SDCCAG8: variants seen among roughly 807,000 people sequenced by gnomAD.
SDCCAG8 encodes the protein serologically defined colon cancer antigen 8.
In SDCCAG8, 74 loss-of-function variants were observed where a neutral mutation model predicts 101.8. The ratio of observed to expected loss-of-function variants is 0.73; its 90% CI spans 0.60 to 0.88. The LOEUF (loss-of-function observed/expected upper bound fraction) is 0.88. SDCCAG8 is among the 40% of genes least tolerant of loss of function. The pLI is 0.00. For missense variants in SDCCAG8, 787 were observed against 822.6 expected, an observed-to-expected ratio of 0.96 and a Z score of 0.53; for synonymous variants, 281 against 292.9, an observed-to-expected ratio of 0.96 and a Z score of 0.41.
At chr1:243,443,103 C>T (rs1222560850) in intron 16 of SDCCAG8, among the ~76,000 whole-genome samples, 1 of 152,114 alleles carries the variant, frequency 6.6e-6, no homozygotes, top group African/African-American at 2.4e-5. Flanking sequence ...ATAGTTCCCT[C>T]ATTATCTTTG....
intron 1 of SDCCAG8, chr1:243,268,083 T>C (rs1443625877): frequency 1.4e-6 from 1 of 739,356 alleles, no homozygotes; most frequent in Non-Finnish European, 2.5e-6. Context: ...GTTTGCTTCA[T>C]GGTTGTATAG....
At chr1:243,360,641 G>A (rs1011491177) in intron 12 of SDCCAG8, among the ~76,000 whole-genome samples, 1 of 152,126 alleles carries the variant, frequency 6.6e-6, no homozygotes, top group East Asian at 2.0e-4. Flanking sequence ...GGCTAAAATG[G>A]TGAAACCCTG....
chr1:243,418,003 A>T lies in SDCCAG8; in HGVS notation c.1780A>T (p.Thr594Ser). Reference sequence around the variant, plus strand: ...GTATTTGTTGCTGACCTCCCAGAATACATTTTTGACAAAGTTAAAGGAAGA... The same window carrying T: ...GTATTTGTTGCTGACCTCCCAGAATTCATTTTTGACAAAGTTAAAGGAAGA... Reference protein sequence around the residue: ...EQYLLLTSQNTFLTKLKEECC... With the variant: ...EQYLLLTSQNSFLTKLKEECC... The change falls in exon 15 of 18, where the codon ACA becomes TCA. Residue 594 changes from threonine to serine, a missense_variant. Transcript: ENST00000366541. The T allele has an allele frequency of 6.2e-7, 1 of 1,613,016 alleles. No individual in the cohort carries two copies. The highest frequency in any genetic ancestry group is 1.1e-5 in the South Asian group (1 of 91,070).
intron 16 of SDCCAG8, among the ~76,000 whole-genome samples, chr1:243,456,951 A>T (rs1023810482): frequency 1.3e-5 from 2 of 152,188 alleles, no homozygotes; most frequent in African/African-American, 2.4e-5. Context: ...ATCTGAGGAA[A>T]AAGCAACCAA....
chr1:243,408,683 C>T (rs1020938540), intron 13 of SDCCAG8, among the ~76,000 whole-genome samples: 4 of 152,102 alleles, frequency 2.6e-5, no homozygotes, highest in African/African-American at 9.7e-5. Context: ...GTCAGATAGC[C>T]CTGGATTTCC....
At chr1:243,480,055 TC>T (rs1033863937) in intron 16 of SDCCAG8, among the ~76,000 whole-genome samples, 5 of 151,484 alleles carry the variant, frequency 3.3e-5, no homozygotes, top group African/African-American at 1.2e-4. Flanking sequence ...GCTTGTGATG[TC>T]CCCCATTTCC....
intron 2 of SDCCAG8, 84 bp from the exon 3 acceptor site, chr1:243,270,894 T>C: frequency 1.0e-6 from 1 of 975,478 alleles, no homozygotes; most frequent in South Asian, 1.3e-5. Flanking sequence ...TATCAGCAAT[T>C]TTTATTAGTT....
intron 13 of SDCCAG8, among the ~76,000 whole-genome samples, chr1:243,397,294 T>G (rs958149322): frequency 1.3e-5 from 2 of 152,250 alleles, no homozygotes; most frequent in African/African-American, 4.8e-5. Flanking sequence ...GTTTGGAAGT[T>G]GCGATTGAAA....
At chr1:243,393,689 A>G (rs2078863574) in intron 13 of SDCCAG8, among the ~76,000 whole-genome samples, 2 of 152,184 alleles carry the variant, frequency 1.3e-5, no homozygotes, top group Admixed American at 6.5e-5. Flanking sequence ...AGTGTGGCAC[A>G]TGGAATGATC....
chr1:243,350,429 G>T (rs924974604), intron 12 of SDCCAG8, among the ~76,000 whole-genome samples: 2 of 152,036 alleles, frequency 1.3e-5, no homozygotes, highest in African/African-American at 4.8e-5. Context: ...TGTTGCCCAG[G>T]CTGGTCTTGA....
In SDCCAG8 at chr1:243,476,253, A is replaced by G. The variant is rs548522461; in HGVS notation, c.1986-12761A>G. On this transcript the variant is annotated intron_variant, in intron 16 of 17. Transcript: ENST00000366541. The stretch of plus-strand genomic sequence containing the variant: ...CAGCGGGGAGGCTGCCTTGGTTTGG[A>G]CAGAAGAGGAGCTAAATAAAAAGCT... 6.8e-5 allele frequency: 67 copies of G among 985,430 alleles called. No individual in the cohort carries two copies. In the Admixed American group the frequency reaches 1.8e-3, roughly 27 times the overall value. 61.0% of individuals were successfully genotyped at this position (985,430 alleles called of 1,614,324 possible).
intron 8 of SDCCAG8, among the ~76,000 whole-genome samples, chr1:243,309,410 A>G (rs2072489664): frequency 6.6e-6 from 1 of 152,232 alleles, no homozygotes; most frequent in Non-Finnish European, 1.5e-5. Flanking sequence ...CTCAGTAAAT[A>G]TTAAAACCAT....
intron 6 of SDCCAG8, among the ~76,000 whole-genome samples, chr1:243,300,897 A>C (rs556742004): frequency 1.3e-5 from 2 of 152,312 alleles, no homozygotes; most frequent in African/African-American, 4.8e-5. Flanking sequence ...AATGTACCAG[A>C]ATTTTTTTTG....
intron 16 of SDCCAG8, among the ~76,000 whole-genome samples, chr1:243,431,685 A>G (rs1425808534): frequency 1.3e-5 from 2 of 152,028 alleles, no homozygotes; most frequent in South Asian, 2.1e-4. Context: ...TAAAGTAAGT[A>G]TCAATTCACC....
At chr1:243,447,031 C>T (rs1441063788) in intron 16 of SDCCAG8, among the ~76,000 whole-genome samples, 1 of 152,116 alleles carries the variant, frequency 6.6e-6, no homozygotes, top group Non-Finnish European at 1.5e-5. Flanking sequence ...GCGGGCAGAT[C>T]ACCTGAGTTC....
intron 1 of SDCCAG8, among the ~76,000 whole-genome samples, chr1:243,262,317 G>A (rs1558198303): frequency 6.7e-6 from 1 of 148,950 alleles, no homozygotes; most frequent in Non-Finnish European, 1.5e-5. Context: ...TGTTGCCCAG[G>A]CTGGTCTCGA....
At chr1:243,376,896 T>C (rs1290148526) in intron 12 of SDCCAG8, among the ~76,000 whole-genome samples, 25 of 152,166 alleles carry the variant, frequency 1.6e-4, no homozygotes, top group Admixed American at 1.6e-3. Flanking sequence ...CACCCTATTA[T>C]CTATAAGAAA....
chr1:243,448,865 T>G (rs2083138176), intron 16 of SDCCAG8, among the ~76,000 whole-genome samples: 1 of 152,232 alleles, frequency 6.6e-6, no homozygotes, highest in African/African-American at 2.4e-5. Flanking sequence ...TATCTTCTTT[T>G]TAAAAATCAT....
chr1:243,372,805 C>T (rs773677501), intron 12 of SDCCAG8, among the ~76,000 whole-genome samples: 15 of 150,812 alleles, frequency 9.9e-5, no homozygotes, highest in South Asian at 8.3e-4. Flanking sequence ...GACCAGCCTG[C>T]GCCATATAGC....
Sources: gnomAD v4.1 joint callset for allele counts (sites outside exome capture counted in the v4.1 genomes callset) on GRCh38, gnomAD v4.1.1 for gene constraint, MANE v1.5 for transcripts, NCBI Gene and HGNC (gene_info 2026-07-23, HGNC 2026-07-21) for gene names.